CPSF1: variants seen among roughly 807,000 people sequenced by gnomAD.
CPSF1 encodes cleavage and polyadenylation specific factor 1.
Under a neutral mutation model 175.8 loss-of-function variants are expected in CPSF1, and 106 were observed. The ratio of observed to expected loss-of-function variants is 0.60; its 90% confidence interval spans 0.52 to 0.71. The LOEUF (loss-of-function observed/expected upper bound fraction) is 0.71. Ranked by LOEUF, CPSF1 falls within the 30% of genes least tolerant of loss-of-function variation. CPSF1 has a pLI of 0.00. For synonymous variants in CPSF1, 1,024 were observed against 858.3 expected (o/e 1.19, Z -3.37); for missense variants, 1,734 against 2,022.9 (o/e 0.86, Z 2.74).
At chr8:144,395,656 G>A in intron 26 of CPSF1, 105 bp from the exon 27 acceptor site, 1 of 943,536 alleles carries the variant, frequency 1.1e-6, no homozygotes, top group South Asian at 1.5e-5. Context: ...AGCTCTGTGG[G>A]AGCAGGGGTG....
At position 144,399,618 on chromosome 8, in the gene CPSF1, C is replaced by T. The variant is rs2116864606; in HGVS notation, c.1212G>A (p.Pro404=). Residue 404 remains proline (P), a synonymous_variant, in exon 12 of 38, where the codon CCG becomes CCA. Coordinates refer to ENST00000616140, the MANE Select transcript of CPSF1 (RefSeq NM_013291.3). The surrounding 1 kb of genome is among the most constrained non-coding windows in gnomAD (Gnocchi z 6.4). ...CGGCAGCCTCACGGACAGCACTGGC[C>T]GGGGGCTCCTGCAGCTTCTCCGTGT... The part of the protein sequence containing the change: ...LKYTEKLQEP[P]ASAVREAADK... 21 of 1,610,578 alleles carry T rather than the reference C, an allele frequency of 1.3e-5. No homozygotes were observed. The highest frequency in any genetic ancestry group is 4.5e-5 in the East Asian group (2 of 44,804).
In CPSF1 at chr8:144,396,444, C is replaced by A. The variant is rs1820741060; in HGVS notation, c.2883G>T (p.Leu961=). Residue 961 remains leucine (L), a synonymous_variant, in exon 26 of 38, where the codon CTG becomes CTT. Coordinates refer to ENST00000616140, the MANE Select transcript of CPSF1 (RefSeq NM_013291.3). ...HWLLVTGRGA[L]RLHPMAIDGP... ...CGTCGATGGCCATGGGGTGTAGCCG[C>A]AGAGCCCCTCGGCCGGTCACCAAGA... 1 of 1,598,402 alleles carries A rather than the reference C, an allele frequency of 6.3e-7. No homozygotes were observed.
rs1465537775 is a variant in CPSF1, at chr8:144,399,411, C to T, written c.1295-38G>A. On this transcript the variant is annotated intron_variant, in intron 13 of 37. Coordinates refer to ENST00000616140, the MANE Select transcript of CPSF1 (RefSeq NM_013291.3). The surrounding 1 kb of genome is among the most constrained non-coding windows in gnomAD (Gnocchi z 6.4). ...AGCCCACTTGAGCGCAGCCCTGGGT[C>T]ACCTGGCCCCGCTCCTGACCAGCCC... 1 of 1,612,796 alleles carries T rather than the reference C, an allele frequency of 6.2e-7. No homozygotes were observed. Among genetic ancestry groups the T allele is most frequent in the Non-Finnish European group, 8.5e-7 (1 of 1,179,896 alleles).
At position 144,397,762 on chromosome 8, in the gene CPSF1, C is replaced by T. The variant is rs1554864541; in HGVS notation, c.2191G>A (p.Gly731Ser). 1.5e-5 allele frequency: 24 copies of T among 1,608,192 alleles called. No homozygotes were observed. Among genetic ancestry groups the T allele is most frequent in the Middle Eastern group, 3.3e-4 (2 of 6,064 alleles). Reference sequence around the variant, plus strand: ...ACGCACCTAGTCTCTGAGCCCAGGCCCTCGGCCTCCGGGCCACTGCGGCCC... The same window carrying T: ...ACGCACCTAGTCTCTGAGCCCAGGCTCTCGGCCTCCGGGCCACTGCGGCCC... ...LGGRSGPEAEGLGSETSPTVD... is the reference protein window; with the variant it reads ...LGGRSGPEAESLGSETSPTVD... Residue 731 changes from glycine (G) to serine (S), a missense_variant, in exon 21 of 38, where the codon GGC becomes AGC. Around this residue, in one of 10 missense-constraint regions of CPSF1, gnomAD observed 585 missense variants for 584.7 expected, o/e 1.00. Transcript: ENST00000616140.
chr8:144,401,244 C>T lies in CPSF1; in HGVS notation c.354G>A (p.Leu118=). ...YDPGTHDLKT[L]SLHYFEEPEL... Reference sequence around the variant, plus strand: ...CAGGCTCCTCAAAGTAGTGCAGTGACAGGGTCTTCAGGTCATGGGTGCCCG... The same window carrying T: ...CAGGCTCCTCAAAGTAGTGCAGTGATAGGGTCTTCAGGTCATGGGTGCCCG... Residue 118 remains leucine (L), a synonymous_variant, in exon 5 of 38, where the codon CTG becomes CTA. Transcript: ENST00000616140. The T allele has an allele frequency of 6.4e-7, 1 of 1,551,730 alleles. No homozygotes were observed. The highest frequency in any genetic ancestry group is 8.7e-7 in the Non-Finnish European group (1 of 1,147,504).
At chr8:144,406,698 C>T (rs868928098) in intron 2 of CPSF1, among the ~76,000 whole-genome samples, 3 of 152,210 alleles carry the variant, frequency 2.0e-5, no homozygotes, top group Non-Finnish European at 4.4e-5. Context: ...ATGAGCACCT[C>T]GGCCAACCTA....
In CPSF1 at chr8:144,401,359, C is replaced by T. The variant is rs2116883979; in HGVS notation, c.307-68G>A. On this transcript the variant is annotated intron_variant, in intron 4 of 37. Transcript: ENST00000616140. ...TGACAGTGTCGCCCCCGGCAACCAA[C>T]GGCTGTACCCAGGCCCTGGCACCCA... 201 of 1,610,882 alleles carry T rather than the reference C, an allele frequency of 1.2e-4. No homozygotes were observed. The East Asian group carries it at 1.5e-3, about 12-fold the overall frequency.
rs1349572281 is a variant in CPSF1, at chr8:144,393,370, A to AGGGGATGGAAGG, written c.4285-17_4285-6dup. The AGGGGATGGAAGG allele has an allele frequency of 4.1e-5, 36 of 888,578 alleles. No homozygotes were observed. The African/African-American group carries it at 1.2e-3, about 30-fold the overall frequency. The allele number at this position is 888,578 out of a possible 1,614,324, so 55.0% of individuals were successfully genotyped here. A position where few individuals can be genotyped will look rare whatever the true frequency, so the allele number is the denominator to read the frequency against. ...CTCCAGCAAGTCGTCCAGGATCTGC[A>AGGGGATGGAAGG]GGGGATGGAAGGGTGGGTGGGTGGG... On this transcript the variant is annotated splice_polypyrimidine_tract_variant and splice_region_variant and intron_variant, in intron 37 of 37. Transcript: ENST00000616140.
chr8:144,400,569 C>T (rs1821139493), intron 7 of CPSF1, 76 bp from the exon 8 acceptor site: 2 of 1,606,560 alleles, frequency 1.2e-6, no homozygotes, highest in Admixed American at 1.7e-5. Flanking sequence ...CGAGCAAGCC[C>T]CACCACACCC....
chr8:144,393,467 G>T lies in CPSF1; in HGVS notation c.4269C>A (p.Gly1423=), dbSNP rs141015441. Residue 1423 remains glycine, a synonymous_variant, in exon 37 of 38, where the codon GGC becomes GGA. Coordinates refer to ENST00000616140, the MANE Select transcript of CPSF1 (RefSeq NM_013291.3). ...MERSELAKKI[G]TTPDIILDDL... is the part of the protein sequence containing the mutation. ...GCGCACTCACTATGTCTGGTGTGGT[G>T]CCGATCTTCTTGGCTAGCTCGCTGC... 869 of 1,556,462 alleles carry T rather than the reference G, an allele frequency of 5.6e-4. 5 individuals carry two copies. The African/African-American group carries it at 8.9e-3, about 16-fold the overall frequency.
rs1554862101 is a variant in CPSF1, at chr8:144,393,547, T to A, written c.4189A>T (p.Asn1397Tyr). 1.9e-6 allele frequency: 3 copies of A among 1,603,342 alleles called. No individual in the cohort carries two copies. The highest frequency in any genetic ancestry group is 2.5e-6 in the Non-Finnish European group (3 of 1,176,818). ...DRRTLQNAVR[N>Y]VLDGELLNRY... ...TTGAGCAGCTCCCCATCCAGCACGT[T>A]GCGCACGGCATTCTGGAGGGTGCGG... Residue 1397 changes from asparagine to tyrosine, a missense_variant, in exon 37 of 38, where the codon AAC becomes TAC. By Grantham distance (143) the Asn-to-Tyr change is moderately radical. Around this residue, in one of 10 missense-constraint regions of CPSF1, gnomAD observed 323 missense variants for 338.5 expected, o/e 0.95. Coordinates refer to ENST00000616140, the MANE Select transcript of CPSF1 (RefSeq NM_013291.3).
intron 7 of CPSF1, 31 bp from the exon 8 acceptor site, chr8:144,400,524 T>C (rs2116875951): frequency 6.2e-7 from 1 of 1,611,194 alleles, no homozygotes. Context: ...GCCAAGGGCC[T>C]TGCCTCCCCG....
At position 144,400,684 on chromosome 8, in the gene CPSF1, G is replaced by A. The variant is rs1821151144; in HGVS notation, c.673C>T (p.Gln225Ter). 1 of 1,608,388 alleles carries A rather than the reference G, an allele frequency of 6.2e-7. No homozygotes were observed. The highest frequency in any genetic ancestry group is 1.7e-5 in the Admixed American group (1 of 58,732). The change falls in exon 7 of 38, where the codon CAG (glutamine) becomes TAG (stop). Residue 225 changes from glutamine to a stop codon, truncating the protein, a stop_gained. Transcript: ENST00000616140. LOFTEE classifies it high-confidence loss of function. Reference protein sequence around the residue: ...PTLLILFEPNQTWPGRVAVRQ... With the variant: ...PTLLILFEPN ...TAGGGGGCTCACCCAGGCCAGGTCT[G>A]GTTGGGCTCAAACAGGATGAGGAGG...
chr8:144,399,986 G>A lies in CPSF1; in HGVS notation c.1031+6C>T. ...GGCAGAGTTCATGGGCGGGGGAGGG[G>A]CTCACATCTCGCCGCCCTTGAGGGA... is the stretch of plus-strand genomic sequence containing the variant. On this transcript the variant is annotated splice_donor_region_variant and intron_variant, in intron 10 of 37. Coordinates refer to ENST00000616140, the MANE Select transcript of CPSF1 (RefSeq NM_013291.3). This position sits in a 1 kb window ranked among gnomAD's most constrained non-coding sequence, Gnocchi z 6.4. The A allele has an allele frequency of 6.2e-7, 1 of 1,610,854 alleles. No homozygotes were observed. The highest frequency in any genetic ancestry group is 1.1e-5 in the South Asian group (1 of 90,828).
intron 6 of CPSF1, 33 bp from the exon 7 acceptor site, chr8:144,400,850 G>A (rs2116879034): frequency 8.7e-6 from 14 of 1,610,338 alleles, no homozygotes; most frequent in East Asian, 2.2e-5. Flanking sequence ...AGGAGAGGAG[G>A]GGAGGCGGGG....
chr8:144,395,937 C>A, intron 26 of CPSF1: 1 of 395,866 alleles, frequency 2.5e-6, no homozygotes, highest in Non-Finnish European at 4.7e-6. Context: ...TCACCGCATC[C>A]CAGGCAGGGT....
At position 144,397,665 on chromosome 8, in the gene CPSF1, G is replaced by C. The variant is rs1234331639; in HGVS notation, c.2211-4C>G. ...CTCCTCGTCATCCACTGTGGGGCTG[G>C]GGGCCAGCAGAAGGTCATGGGCGGC... On this transcript the variant is annotated splice_region_variant and splice_polypyrimidine_tract_variant and intron_variant, in intron 21 of 37. Coordinates refer to ENST00000616140, the MANE Select transcript of CPSF1 (RefSeq NM_013291.3). 2.6e-6 allele frequency: 4 copies of C among 1,541,420 alleles called. No homozygotes were observed. Among genetic ancestry groups the C allele is most frequent in the South Asian group, 2.4e-5 (2 of 82,038 alleles).
chr8:144,405,850 G>A (rs2116903267), intron 2 of CPSF1, among the ~76,000 whole-genome samples: 16 of 152,158 alleles, frequency 1.1e-4, no homozygotes, highest in Admixed American at 3.9e-4. Context: ...GGAAAACCAA[G>A]CTAGCCATGC....
Position 144,396,644 on chromosome 8 carries a change from C to T in CPSF1, c.2780G>A (p.Arg927His), listed in dbSNP as rs558556046. The change falls in exon 25 of 38, where the codon CGC becomes CAC. Residue 927 changes from arginine to histidine, a missense_variant. Around this residue, in one of 10 missense-constraint regions of CPSF1, gnomAD observed 585 missense variants for 584.7 expected, o/e 1.00. Transcript: ENST00000616140. Reference sequence around the variant, plus strand: ...CTCGAAGTAGCGGAAACGCGCCACGCGGCCCCGGGCCCCAGCCCCCTCCTC... The same window carrying T: ...CTCGAAGTAGCGGAAACGCGCCACGTGGCCCCGGGCCCCAGCCCCCTCCTC... ...GAEEGAGARG[R>H]VARFRYFEDI... 26 of 1,613,734 alleles carry T rather than the reference C, an allele frequency of 1.6e-5. No homozygotes were observed. The highest frequency in any genetic ancestry group is 9.9e-5 in the South Asian group (9 of 91,078).
Sources: allele counts gnomAD v4.1 joint callset (sites outside exome capture counted in the v4.1 genomes callset), GRCh38; gene constraint gnomAD v4.1.1; regional missense constraint gnomAD v4.1.1; non-coding constraint Gnocchi (gnomAD v3.1); transcripts MANE v1.5; gene names NCBI Gene and HGNC (gene_info 2026-07-23, HGNC 2026-07-21).